Variants in PPM1H observed in about 807,000 individuals in gnomAD.
PPM1H encodes protein phosphatase, Mg2+/Mn2+ dependent 1H.
A neutral mutation model predicts 54.9 loss-of-function variants in PPM1H; 27 were observed. That is an observed-to-expected ratio of 0.49 (90% CI 0.36 to 0.68). PPM1H has a LOEUF of 0.68. Ranked by LOEUF, PPM1H falls within the 30% of genes least tolerant of loss-of-function variation. PPM1H has a pLI of 0.00. For missense variants in PPM1H, 596 were observed against 667.8 expected (o/e 0.89, Z 1.19); for synonymous variants, 305 against 270.8 (o/e 1.13, Z -1.24).
intron 4 of PPM1H, among the ~76,000 whole-genome samples, chr12:62,762,748 G>A (rs1592585920): frequency 6.6e-6 from 1 of 152,042 alleles, no homozygotes; most frequent in Admixed American, 6.6e-5. Flanking sequence ...TCTTCTTCAG[G>A]TTCTTGAACG....
chr12:62,921,132 C>A (rs1871786029), intron 1 of PPM1H, among the ~76,000 whole-genome samples: 1 of 151,962 alleles, frequency 6.6e-6, no homozygotes, highest in South Asian at 2.1e-4. Context: ...GCCATGTTGG[C>A]CAGGCTGGTC....
chr12:62,665,284 G>T (rs532810299), intron 9 of PPM1H, among the ~76,000 whole-genome samples: 12 of 152,126 alleles, frequency 7.9e-5, no homozygotes, highest in Non-Finnish European at 1.8e-4. Context: ...CCTGACCTCA[G>T]GTGATCTGCC....
At chr12:62,677,735 C>T (rs1038430478) in intron 8 of PPM1H, among the ~76,000 whole-genome samples, 19 of 152,190 alleles carry the variant, frequency 1.2e-4, no homozygotes, top group African/African-American at 3.6e-4. Flanking sequence ...CCAGCGGGCC[C>T]AAGCAAAACT....
chr12:62,680,384 T>C lies in PPM1H; in HGVS notation c.1245+9315A>G, dbSNP rs76763226. On this transcript the variant is annotated intron_variant, in intron 8 of 9. Coordinates refer to ENST00000228705, the MANE Select transcript of PPM1H (RefSeq NM_020700.2). ...TTCTTTCAAGATGGGGTATCACCTA[T>C]GTTGCTCAGGCTGGCCTTGAGCTCC... is the stretch of plus-strand genomic sequence containing the variant. Among the ~76,000 whole-genome samples the C allele has an allele frequency of 2.1e-3, 320 of 151,882 alleles. 3 individuals are homozygous for C. Among genetic ancestry groups the C allele is most frequent in the African/African-American group, 7.4e-3 (306 of 41,458 alleles).
chr12:62,835,952 C>A (rs977366540), intron 1 of PPM1H, among the ~76,000 whole-genome samples: 5 of 152,106 alleles, frequency 3.3e-5, no homozygotes, highest in African/African-American at 9.7e-5. Context: ...TTGAGAAAAA[C>A]TTTGTTTCAC....
Position 62,826,522 on chromosome 12 carries a change from A to C in PPM1H, c.411+5592T>G, listed in dbSNP as rs1265460324. ...ATATAAGAAAGGTCATGAAATATAA[A>C]GTCACACTTCTATTGAAATCCTCTG... On this transcript the variant is annotated intron_variant, in intron 2 of 9. Transcript: ENST00000228705. Among the ~76,000 whole-genome samples the C allele has an allele frequency of 2.6e-5, 4 of 152,238 alleles. No individual in the cohort carries two copies. In the East Asian group the frequency reaches 7.7e-4, roughly 29 times the overall value.
chr12:62,648,500 T>C lies in PPM1H; in HGVS notation c.1534A>G (p.Lys512Glu), dbSNP rs2075798950. The change falls in exon 10 of 10, where the codon AAG becomes GAG. Residue 512 changes from lysine (K) to glutamate (E), a missense_variant. This residue lies in a region of PPM1H where 208 missense variants were observed against 259.5 expected (regional missense o/e 0.80). Coordinates refer to ENST00000228705, the MANE Select transcript of PPM1H (RefSeq NM_020700.2). Reference sequence around the variant, plus strand: ...CCCCTGGGCCATTTTCATGACAGCTTGTTTCCATGTATTAAAGGAATGACA... The same window carrying C: ...CCCCTGGGCCATTTTCATGACAGCTCGTTTCCATGTATTAAAGGAATGACA... ...VYVIPLIHGN[K>E]LS 6.2e-7 allele frequency: 1 copy of C among 1,614,006 alleles called. No individual in the cohort carries two copies. Among genetic ancestry groups the C allele is most frequent in the Non-Finnish European group, 8.5e-7 (1 of 1,179,874 alleles).
At chr12:62,664,492 G>C (rs2075905373) in intron 9 of PPM1H, among the ~76,000 whole-genome samples, 1 of 151,920 alleles carries the variant, frequency 6.6e-6, no homozygotes, top group African/African-American at 2.4e-5. Context: ...ATTTCAACTT[G>C]TTTACTTAAA....
intron 5 of PPM1H, among the ~76,000 whole-genome samples, chr12:62,734,208 C>G (rs916738372): frequency 6.6e-6 from 1 of 151,516 alleles, no homozygotes; most frequent in Non-Finnish European, 1.5e-5. Context: ...CCTCACCAGA[C>G]CTTGACTCTA....
At chr12:62,688,027 A>C (rs2076063496) in intron 8 of PPM1H, among the ~76,000 whole-genome samples, 1 of 148,750 alleles carries the variant, frequency 6.7e-6, no homozygotes, top group Admixed American at 6.7e-5. Flanking sequence ...AAAAAAAAAG[A>C]AACAAAAAAC....
intron 1 of PPM1H, among the ~76,000 whole-genome samples, chr12:62,852,202 C>T (rs1315843092): frequency 2.2e-5 from 3 of 133,568 alleles, no homozygotes; most frequent in East Asian, 2.4e-4. Flanking sequence ...ACACTCCAGC[C>T]TGGGTGACAG....
At chr12:62,921,240 T>TA (rs1871790263) in intron 1 of PPM1H, among the ~76,000 whole-genome samples, 1 of 152,154 alleles carries the variant, frequency 6.6e-6, no homozygotes, top group African/African-American at 2.4e-5. Context: ...TATTTTCATT[T>TA]TAAAAAAAAT....
At chr12:62,733,428 T>C (rs1034955539) in intron 5 of PPM1H, among the ~76,000 whole-genome samples, 1 of 152,068 alleles carries the variant, frequency 6.6e-6, no homozygotes, top group Non-Finnish European at 1.5e-5. Context: ...CTGATTTTTT[T>C]TGGTATTTTT....
At chr12:62,882,552 G>T (rs1053106793) in intron 1 of PPM1H, among the ~76,000 whole-genome samples, 1 of 152,236 alleles carries the variant, frequency 6.6e-6, no homozygotes, top group Non-Finnish European at 1.5e-5. Flanking sequence ...TTGGAAACAG[G>T]GGCAGAGTGG....
At chr12:62,752,085 T>G (rs2076445458) in intron 4 of PPM1H, among the ~76,000 whole-genome samples, 2 of 152,162 alleles carry the variant, frequency 1.3e-5, no homozygotes, top group Admixed American at 1.3e-4. Flanking sequence ...GTAATCAAAG[T>G]TTGCAGTCCA....
intron 8 of PPM1H, among the ~76,000 whole-genome samples, chr12:62,682,250 T>C (rs1326560295): frequency 6.6e-6 from 1 of 152,222 alleles, no homozygotes; most frequent in East Asian, 1.9e-4. Flanking sequence ...TCACTCTCTT[T>C]GTATGAACAA....
Position 62,802,232 on chromosome 12 carries a change from A to C in PPM1H, c.412-72T>G, listed in dbSNP as rs1228089284. On this transcript the variant is annotated intron_variant, in intron 2 of 9. Transcript: ENST00000228705. ...GCCTCAGGGTCATACAGATTGTGGG[A>C]CATCTATGGGACTGAGGGTCCACTT... 4.7e-6 allele frequency: 6 copies of C among 1,269,620 alleles called. No homozygotes were observed. The Admixed American group carries it at 1.7e-4, about 37-fold the overall frequency. 78.6% of individuals were successfully genotyped at this position (1,269,620 alleles called of 1,614,324 possible). A position where few individuals can be genotyped will look rare whatever the true frequency, so the allele number is the denominator to read the frequency against.
chr12:62,680,785 C>T (rs1428541807), intron 8 of PPM1H, among the ~76,000 whole-genome samples: 2 of 152,136 alleles, frequency 1.3e-5, no homozygotes, highest in Non-Finnish European at 2.9e-5. Context: ...TGCAAAGCCT[C>T]TAAGTTTTGG....
chr12:62,772,180 G>A (rs1422548290), intron 4 of PPM1H, among the ~76,000 whole-genome samples: 1 of 152,168 alleles, frequency 6.6e-6, no homozygotes, highest in Non-Finnish European at 1.5e-5. Flanking sequence ...TATGTGCCAG[G>A]TACCACACTG....
Sources: gnomAD v4.1 joint callset for allele counts (sites outside exome capture counted in the v4.1 genomes callset) on GRCh38, gnomAD v4.1.1 for gene constraint, gnomAD v4.1.1 regional missense constraint, MANE v1.5 for transcripts, NCBI Gene and HGNC (gene_info 2026-07-23, HGNC 2026-07-21) for gene names.